MALT1: variants seen among roughly 807,000 people sequenced by gnomAD.
MALT1 encodes MALT1 paracaspase.
A neutral mutation model predicts 85.5 loss-of-function variants in MALT1; 36 were observed. The ratio of observed to expected loss-of-function variants is 0.42; its 90% CI spans 0.32 to 0.56. MALT1 has a LOEUF of 0.56. Ranked by LOEUF, MALT1 falls within the 20% of genes least tolerant of loss-of-function variation. The pLI, the probability that MALT1 is intolerant of heterozygous loss-of-function variation, is 0.10. For synonymous variants in MALT1, 359 were observed against 361.3 expected (o/e 0.99, Z 0.07); for missense variants, 716 against 981.6 (o/e 0.73, Z 3.62).
chr18:58,703,347 A>T (rs1257934677), intron 4 of MALT1, among the ~76,000 whole-genome samples: 1 of 151,830 alleles, frequency 6.6e-6, no homozygotes, highest in African/African-American at 2.4e-5. Context: ...ACAGAGTGAG[A>T]CTCCATCTCA....
At chr18:58,742,900 T>C (rs1247258892) in intron 14 of MALT1, among the ~76,000 whole-genome samples, 4 of 152,208 alleles carry the variant, frequency 2.6e-5, no homozygotes, top group African/African-American at 7.2e-5. Flanking sequence ...AATCAATCTG[T>C]AGCTTAATTA....
intron 11 of MALT1, 150 bp from the exon 12 acceptor site, chr18:58,734,157 A>T: frequency 8.5e-7 from 1 of 1,173,532 alleles, no homozygotes; most frequent in Non-Finnish European, 1.2e-6. Flanking sequence ...TTGGGTAGAT[A>T]TGTAGCTACC....
In MALT1 at chr18:58,749,784, G is replaced by C. The variant is rs1239791308; in HGVS notation, c.*1942G>C. 4.7e-6 allele frequency: 1 copy of C among 213,524 alleles called. No homozygotes were observed. The highest frequency in any genetic ancestry group is 9.5e-6 in the Non-Finnish European group (1 of 105,724). 13.2% of individuals were successfully genotyped at this position (213,524 alleles called of 1,614,324 possible). A position where few individuals can be genotyped will look rare whatever the true frequency, so the allele number is the denominator to read the frequency against. On this transcript the variant is annotated 3_prime_UTR_variant, in exon 17 of 17. Coordinates refer to ENST00000649217, the MANE Select transcript of MALT1 (RefSeq NM_006785.4). ...TCATAAAAACACTCAACAAACTTAG[G>C]AATAAAAGGAATCTTCCTAGATATG...
At chr18:58,672,310 T>G (rs989638115) in intron 1 of MALT1, 2 of 154,714 alleles carry the variant, frequency 1.3e-5, no homozygotes, top group Admixed American at 1.3e-4. Context: ...GAGGGTGGGG[T>G]GCAGGAATTC....
At chr18:58,682,058 T>A (rs990037347) in intron 2 of MALT1, among the ~76,000 whole-genome samples, 2 of 152,136 alleles carry the variant, frequency 1.3e-5, no homozygotes, top group African/African-American at 4.8e-5. Flanking sequence ...GGGCCATTAT[T>A]TGTCCCACAG....
At chr18:58,713,248 A>G (rs2054856196) in intron 7 of MALT1, among the ~76,000 whole-genome samples, 1 of 152,196 alleles carries the variant, frequency 6.6e-6, no homozygotes, top group African/African-American at 2.4e-5. Context: ...TTTTATCTTC[A>G]TAAAACTTGA....
chr18:58,673,483 CTT>C (rs2144291256), intron 1 of MALT1, among the ~76,000 whole-genome samples: 1 of 151,736 alleles, frequency 6.6e-6, no homozygotes, highest in East Asian at 1.9e-4. Flanking sequence ...GAGATGGAGT[CTT>C]GCTCTTTCGC....
chr18:58,671,999 C>T (rs1362978892), intron 1 of MALT1, 147 bp downstream of exon 1: 2 of 459,394 alleles, frequency 4.4e-6, no homozygotes, highest in African/African-American at 4.1e-5. Flanking sequence ...GTCATTGAGG[C>T]GGAGCGGAAC....
At chr18:58,694,672 T>A (rs1298369635) in intron 2 of MALT1, among the ~76,000 whole-genome samples, 1 of 152,196 alleles carries the variant, frequency 6.6e-6, no homozygotes, top group East Asian at 1.9e-4. Context: ...AAGTCAGAAG[T>A]GAAAAACAAC....
At chr18:58,745,059 T>C (rs1185724059) in intron 15 of MALT1, among the ~76,000 whole-genome samples, 2 of 151,662 alleles carry the variant, frequency 1.3e-5, no homozygotes, top group Non-Finnish European at 1.5e-5. Context: ...GTGGAGGATA[T>C]TGCTTCATGT....
At chr18:58,709,645 AT>A in intron 5 of MALT1, 89 bp downstream of exon 5, 1 of 1,058,612 alleles carries the variant, frequency 9.4e-7, no homozygotes, top group Non-Finnish European at 1.3e-6. Context: ...TAAAACTCAT[AT>A]CCTTTCAGAT....
chr18:58,705,292 G>A (rs933944538), intron 4 of MALT1, among the ~76,000 whole-genome samples: 1 of 94,398 alleles, frequency 1.1e-5, no homozygotes, highest in African/African-American at 3.9e-5. Context: ...AAAAGTACGT[G>A]TGTGTGTGTG....
chr18:58,697,967 G>A (rs560090920), intron 3 of MALT1, among the ~76,000 whole-genome samples: 1 of 152,094 alleles, frequency 6.6e-6, no homozygotes, highest in Non-Finnish European at 1.5e-5. Flanking sequence ...AAATCAACAG[G>A]GTGGCAACAT....
intron 10 of MALT1, among the ~76,000 whole-genome samples, chr18:58,730,441 A>G (rs8093371): frequency 0.17 from 26,272 of 152,194 alleles, 2,882 homozygotes; most frequent in African/African-American, 0.3. Flanking sequence ...CTTTCACTTC[A>G]CATGTTTTCA....
intron 4 of MALT1, among the ~76,000 whole-genome samples, chr18:58,706,545 G>A (rs2054754528): frequency 6.6e-6 from 1 of 152,114 alleles, no homozygotes; most frequent in Admixed American, 6.5e-5. Context: ...TTCTGACCCA[G>A]GTTGCTATCA....
At chr18:58,737,631 A>G (rs1262323860) in intron 13 of MALT1, among the ~76,000 whole-genome samples, 1 of 152,158 alleles carries the variant, frequency 6.6e-6, no homozygotes, top group African/African-American at 2.4e-5. Flanking sequence ...CGCGCAGGCT[A>G]GAGTGCAGTG....
chr18:58,713,924 T>G (rs747760665), intron 7 of MALT1, among the ~76,000 whole-genome samples, 159 bp from the exon 8 acceptor site: 6 of 152,202 alleles, frequency 3.9e-5, no homozygotes, highest in Non-Finnish European at 2.9e-5. Context: ...TTCTTTGCTA[T>G]TCAGTATTTG....
intron 10 of MALT1, among the ~76,000 whole-genome samples, chr18:58,730,694 A>G (rs942928897): frequency 1.3e-5 from 2 of 152,146 alleles, no homozygotes; most frequent in African/African-American, 4.8e-5. Context: ...TAACTTTTTG[A>G]GGAACTGCAA....
chr18:58,727,653 A>C (rs2055082969), intron 10 of MALT1, among the ~76,000 whole-genome samples: 1 of 128,698 alleles, frequency 7.8e-6, no homozygotes, highest in Non-Finnish European at 1.6e-5. Flanking sequence ...GAGGAAAAAA[A>C]GTCAGGGGGT....
Sources: allele counts gnomAD v4.1 joint callset (sites outside exome capture counted in the v4.1 genomes callset), GRCh38; gene constraint gnomAD v4.1.1; transcripts MANE v1.5; gene names NCBI Gene and HGNC (gene_info 2026-07-23, HGNC 2026-07-21).